Variants in MECOM observed in about 807,000 individuals in gnomAD.
MECOM encodes MDS1 and EVI1 complex locus.
MECOM carries 13 observed loss-of-function variants against 116.3 expected under a neutral mutation model. The observed-to-expected ratio is 0.11, with a 90% confidence interval of 0.07 to 0.18. The LOEUF (loss-of-function observed/expected upper bound fraction) is 0.18. Among genes scored for constraint, MECOM ranks in the 10% least tolerant of loss-of-function variants. The probability of loss-of-function intolerance (pLI) is 1.00; values close to 1 mark genes in which losing one functional copy is unlikely to be tolerated. For missense variants in MECOM, 1,299 were observed against 1,509.0 expected, an observed-to-expected ratio of 0.86 and a Z score of 2.31; for synonymous variants, 528 against 535.2, an observed-to-expected ratio of 0.99 and a Z score of 0.19.
At chr3:169,320,368 C>T (rs144992108) in intron 2 of MECOM, among the ~76,000 whole-genome samples, 1 of 152,076 alleles carries the variant, frequency 6.6e-6, no homozygotes, top group Admixed American at 6.5e-5. Flanking sequence ...CCTAAGGATA[C>T]AAAGTGATGT....
In MECOM at chr3:169,460,419, T is replaced by C. The variant is rs148255234; in HGVS notation, c.38-78895A>G. On this transcript the variant is annotated intron_variant, in intron 1 of 16. Transcript: ENST00000651503. ...TCTAAACAATAGAAGTATTGGGTCA[T>C]AGAATTTAGAGTTGGAAAAGACCTT... Among the ~76,000 whole-genome samples, 25 of 152,318 alleles carry C rather than the reference T, an allele frequency of 1.6e-4. 1 individual carries two copies. The highest frequency in any genetic ancestry group is 5.8e-4 in the African/African-American group (24 of 41,570).
intron 3 of MECOM, chr3:169,133,891 T>C (rs1209136317): frequency 7.8e-7 from 1 of 1,282,438 alleles, no homozygotes; most frequent in Admixed American, 2.3e-5. Flanking sequence ...ACAATGGACT[T>C]CTCTCAACAG....
intron 2 of MECOM, among the ~76,000 whole-genome samples, chr3:169,179,170 A>G (rs1359717074): frequency 6.6e-6 from 1 of 152,178 alleles, no homozygotes; most frequent in Non-Finnish European, 1.5e-5. Flanking sequence ...TTCTCTATAT[A>G]TAGCTATGTG....
At chr3:169,176,526 C>G (rs767738620) in intron 2 of MECOM, among the ~76,000 whole-genome samples, 1 of 151,948 alleles carries the variant, frequency 6.6e-6, no homozygotes. Flanking sequence ...AGAAGAAAAC[C>G]TAGGCAATAC....
At chr3:169,478,623 G>A (rs896929286) in intron 1 of MECOM, among the ~76,000 whole-genome samples, 7 of 152,120 alleles carry the variant, frequency 4.6e-5, no homozygotes, top group South Asian at 2.1e-4. Flanking sequence ...AACCACCCAC[G>A]GGAATAGCGA....
chr3:169,404,404 T>A (rs1736338716), intron 1 of MECOM, among the ~76,000 whole-genome samples: 1 of 150,822 alleles, frequency 6.6e-6, no homozygotes, highest in Admixed American at 6.6e-5. Flanking sequence ...ATCCAGAGAG[T>A]TAAAAAAAAA....
intron 2 of MECOM, among the ~76,000 whole-genome samples, chr3:169,216,685 A>T (rs1751463940): frequency 6.6e-6 from 1 of 152,082 alleles, no homozygotes; most frequent in Non-Finnish European, 1.5e-5. Flanking sequence ...ACTTTACAAT[A>T]TTGGGGGAAA....
intron 1 of MECOM, among the ~76,000 whole-genome samples, chr3:169,409,074 C>T (rs1203093764): frequency 6.6e-6 from 1 of 152,112 alleles, no homozygotes; most frequent in Admixed American, 6.5e-5. Flanking sequence ...GGTTAGAATG[C>T]CCTATTTACC....
At chr3:169,345,384 A>C (rs1725174475) in intron 2 of MECOM, among the ~76,000 whole-genome samples, 1 of 152,150 alleles carries the variant, frequency 6.6e-6, no homozygotes. Flanking sequence ...GTTTGACCCA[A>C]GTTTTTCCCA....
At chr3:169,252,671 T>G (rs2149587590) in intron 2 of MECOM, among the ~76,000 whole-genome samples, 1 of 152,200 alleles carries the variant, frequency 6.6e-6, no homozygotes. Context: ...CCAAACCTGT[T>G]AGAATATGGA....
At chr3:169,349,171 GT>G (rs1725879225) in intron 2 of MECOM, among the ~76,000 whole-genome samples, 1 of 149,504 alleles carries the variant, frequency 6.7e-6, no homozygotes, top group African/African-American at 2.5e-5. Context: ...TAAGGTATCT[GT>G]GAGCTCCACA....
At chr3:169,196,821 CA>C (rs1748467390) in intron 2 of MECOM, among the ~76,000 whole-genome samples, 1 of 151,886 alleles carries the variant, frequency 6.6e-6, no homozygotes, top group Non-Finnish European at 1.5e-5. Context: ...GGTATATACC[CA>C]AAGGAATATA....
intron 1 of MECOM, among the ~76,000 whole-genome samples, chr3:169,551,141 G>A (rs1761356540): frequency 6.6e-6 from 1 of 152,256 alleles, no homozygotes; most frequent in South Asian, 2.1e-4. Flanking sequence ...GCCACTGTCA[G>A]TCATGAAACG....
At chr3:169,617,020 A>C (rs1054708839) in intron 1 of MECOM, among the ~76,000 whole-genome samples, 1 of 152,242 alleles carries the variant, frequency 6.6e-6, no homozygotes, top group Non-Finnish European at 1.5e-5. Flanking sequence ...TTTGTGACAC[A>C]ACAGAAACTA....
intron 2 of MECOM, among the ~76,000 whole-genome samples, chr3:169,186,185 T>C (rs7632657): frequency 0.32 from 49,213 of 151,620 alleles, 8,817 homozygotes; most frequent in African/African-American, 0.48. Flanking sequence ...TCTGATGTAG[T>C]TATAGCTTAT....
chr3:169,367,019 A>C (rs1442780496), intron 2 of MECOM, among the ~76,000 whole-genome samples: 2 of 152,122 alleles, frequency 1.3e-5, no homozygotes, highest in African/African-American at 4.8e-5. Context: ...CTGTGCCCCC[A>C]GGAAGAAGGA....
intron 2 of MECOM, among the ~76,000 whole-genome samples, chr3:169,380,413 T>C (rs1360586615): frequency 6.6e-6 from 1 of 152,170 alleles, no homozygotes; most frequent in Non-Finnish European, 1.5e-5. Flanking sequence ...CTACTGAATC[T>C]GTATAAAACT....
At chr3:169,238,400 C>A (rs527706608) in intron 2 of MECOM, among the ~76,000 whole-genome samples, 1 of 151,876 alleles carries the variant, frequency 6.6e-6, no homozygotes, top group African/African-American at 2.4e-5. Flanking sequence ...CAGGAACATG[C>A]GAAGAGTTAC....
chr3:169,309,224 C>A (rs1421591701), intron 2 of MECOM, among the ~76,000 whole-genome samples: 1 of 152,114 alleles, frequency 6.6e-6, no homozygotes, highest in Non-Finnish European at 1.5e-5. Flanking sequence ...GCAGTACATT[C>A]TTTTGACAAA....
Sources: gnomAD v4.1 joint callset for allele counts (sites outside exome capture counted in the v4.1 genomes callset) on GRCh38, gnomAD v4.1.1 for gene constraint, MANE v1.5 for transcripts, NCBI Gene and HGNC (gene_info 2026-07-23, HGNC 2026-07-21) for gene names.